The following DAB1 variants were observed in gnomAD, a reference collection of about 807,000 sequenced individuals.
DAB1 encodes the protein DAB adaptor protein 1, also known as disabled homolog 1.
A neutral mutation model predicts 64.6 loss-of-function variants in DAB1; 15 were observed. The ratio of observed to expected loss-of-function variants is 0.23; its 90% confidence interval spans 0.16 to 0.36. The LOEUF (loss-of-function observed/expected upper bound fraction) is 0.36. Ranked by LOEUF, DAB1 falls within the 10% of genes least tolerant of loss-of-function variation. DAB1 has a pLI of 1.00. For synonymous variants in DAB1, 235 were observed against 251.9 expected (o/e 0.93, Z 0.64); for missense variants, 596 against 706.7 (o/e 0.84, Z 1.78).
chr1:58,021,345 A>G (rs1478766130), intron 5 of DAB1, among the ~76,000 whole-genome samples: 1 of 152,192 alleles, frequency 6.6e-6, no homozygotes, highest in African/African-American at 2.4e-5. Context: ...TGACTCATTT[A>G]ATTCTTAATA....
intron 5 of DAB1, among the ~76,000 whole-genome samples, chr1:57,894,260 GTC>G: frequency 6.6e-6 from 1 of 152,286 alleles, no homozygotes; most frequent in Admixed American, 6.5e-5. Flanking sequence ...TCTACAGTTT[GTC>G]TCTGTCTCTT....
At chr1:57,848,790 T>C (rs1054283704) in intron 1 of DAB1, among the ~76,000 whole-genome samples, 1 of 152,136 alleles carries the variant, frequency 6.6e-6, no homozygotes, top group Non-Finnish European at 1.5e-5. Flanking sequence ...GTGGTGGTCA[T>C]GGGCAGGAGG....
chr1:57,134,942 T>A (rs1657954883), intron 4 of DAB1, among the ~76,000 whole-genome samples: 1 of 152,184 alleles, frequency 6.6e-6, no homozygotes, highest in Non-Finnish European at 1.5e-5. Flanking sequence ...GCCTGGCACA[T>A]AATATGTATT....
intron 4 of DAB1, among the ~76,000 whole-genome samples, chr1:58,193,134 G>A (rs1049447776): frequency 4.6e-5 from 7 of 152,130 alleles, no homozygotes; most frequent in African/African-American, 1.4e-4. Context: ...TGGGTCGTGC[G>A]GGAAGATCCC....
chr1:57,981,579 C>T (rs1172543336), intron 5 of DAB1, among the ~76,000 whole-genome samples: 1 of 152,156 alleles, frequency 6.6e-6, no homozygotes, highest in Non-Finnish European at 1.5e-5. Context: ...AGTGATAAGA[C>T]TATGCACATG....
intron 1 of DAB1, among the ~76,000 whole-genome samples, chr1:57,397,817 A>G (rs1168713436): frequency 6.6e-6 from 1 of 152,244 alleles, no homozygotes; most frequent in Non-Finnish European, 1.5e-5. Flanking sequence ...ACTACATTCT[A>G]CTTAGCTGTT....
chr1:58,361,177 A>G (rs1644160300), intron 3 of DAB1, among the ~76,000 whole-genome samples: 3 of 152,226 alleles, frequency 2.0e-5, no homozygotes, highest in Admixed American at 6.5e-5. Flanking sequence ...GGGCCCCTGC[A>G]GCAGACCACA....
At chr1:57,446,323 C>G (rs1257558614) in intron 7 of DAB1, among the ~76,000 whole-genome samples, 1 of 152,064 alleles carries the variant, frequency 6.6e-6, no homozygotes, top group African/African-American at 2.4e-5. Context: ...TTAGGCCAGG[C>G]GTGGTGGCTC....
chr1:58,379,302 A>G (rs1318881987), intron 3 of DAB1, among the ~76,000 whole-genome samples: 1 of 152,234 alleles, frequency 6.6e-6, no homozygotes, highest in Non-Finnish European at 1.5e-5. Context: ...AGGTTGTTTA[A>G]ATCAATAATT....
chr1:58,307,778 G>A (rs1662340669), intron 4 of DAB1, among the ~76,000 whole-genome samples: 1 of 152,030 alleles, frequency 6.6e-6, no homozygotes, highest in African/African-American at 2.4e-5. Flanking sequence ...GAGTGGGGGT[G>A]GAGGAGGGGA....
intron 6 of DAB1, among the ~76,000 whole-genome samples, chr1:57,781,124 CTCTA>C (rs1404982698): frequency 3.3e-4 from 13 of 38,888 alleles, no homozygotes; most frequent in Admixed American, 6.8e-4. Flanking sequence ...CTCTCTCTCT[CTCTA>C]TATATATATA....
At chr1:58,049,383 C>A in intron 5 of DAB1, 1 of 532,640 alleles carries the variant, frequency 1.9e-6, no homozygotes, top group East Asian at 3.3e-5. Context: ...TTAACCTGAA[C>A]TATTTTTGCA....
At chr1:57,232,832 AATT>A (rs1667786491) in intron 2 of DAB1, among the ~76,000 whole-genome samples, 1 of 152,192 alleles carries the variant, frequency 6.6e-6, no homozygotes, top group African/African-American at 2.4e-5. Context: ...AATGGAAACT[AATT>A]TGACAGTGTA....
chr1:58,452,399 A>G (rs977244952), intron 3 of DAB1, among the ~76,000 whole-genome samples: 1 of 147,948 alleles, frequency 6.8e-6, no homozygotes, highest in African/African-American at 2.5e-5. Context: ...GAAAATGGCT[A>G]AAAAAAAAAG....
chr1:57,388,865 C>A (rs1346331635), intron 1 of DAB1, among the ~76,000 whole-genome samples: 1 of 152,250 alleles, frequency 6.6e-6, no homozygotes, highest in Non-Finnish European at 1.5e-5. Flanking sequence ...AACTCCTCCT[C>A]TTGCTCACTC....
intron 7 of DAB1, among the ~76,000 whole-genome samples, chr1:57,595,337 G>A (rs1217244026): frequency 6.6e-6 from 1 of 151,718 alleles, no homozygotes; most frequent in Non-Finnish European, 1.5e-5. Context: ...ATTGTGAAAG[G>A]ATATCAGCTT....
intron 5 of DAB1, chr1:58,060,132 G>C (rs987412579): frequency 3.9e-5 from 6 of 152,878 alleles, no homozygotes; most frequent in African/African-American, 1.4e-4. Context: ...AGAGCAGCAG[G>C]GTGAGGAGGA....
chr1:57,001,421 C>A (rs762054141), intron 14 of DAB1, among the ~76,000 whole-genome samples: 1 of 152,176 alleles, frequency 6.6e-6, no homozygotes, highest in Non-Finnish European at 1.5e-5. Flanking sequence ...GCCCATTAGT[C>A]TCTTAGTCCA....
At chr1:57,377,315 G>A (rs972042952) in intron 1 of DAB1, among the ~76,000 whole-genome samples, 3 of 151,426 alleles carry the variant, frequency 2.0e-5, no homozygotes, top group African/African-American at 7.3e-5. Flanking sequence ...CTGATAAGGA[G>A]TCTATTGGCA....
Sources: gnomAD v4.1 joint callset for allele counts (sites outside exome capture counted in the v4.1 genomes callset) on GRCh38, gnomAD v4.1.1 for gene constraint, MANE v1.5 for transcripts, NCBI Gene and HGNC (gene_info 2026-07-23, HGNC 2026-07-21) for gene names.